Variants in PDK3 observed in about 807,000 individuals in gnomAD.
The protein encoded by PDK3 is pyruvate dehydrogenase kinase 3.
Under a neutral mutation model 32.0 loss-of-function variants are expected in PDK3, and 12 were observed. The ratio of observed to expected loss-of-function variants is 0.37; its 90% CI spans 0.24 to 0.61. The LOEUF (loss-of-function observed/expected upper bound fraction) is 0.61. Ranked by LOEUF, PDK3 falls within the 20% of genes least tolerant of loss-of-function variation. The probability of loss-of-function intolerance (pLI) is 0.65; values close to 1 mark genes in which losing one functional copy is unlikely to be tolerated. For synonymous variants in PDK3, 122 were observed against 116.3 expected (o/e 1.05, Z -0.31); for missense variants, 188 against 316.9 (o/e 0.59, Z 3.09).
In PDK3 at chrX:24,534,283, A is replaced by G. The variant is rs1922724034; in HGVS notation, c.*211A>G. ...ACTGAAAAATAAGTTAAAATGATCA[A>G]TCAAGATAAAAGGTGATCTATCCAT... is the stretch of plus-strand genomic sequence containing the variant. On this transcript the variant is annotated 3_prime_UTR_variant, in exon 11 of 11. Transcript: ENST00000379162. 3 of 909,234 alleles carry G rather than the reference A, an allele frequency of 3.3e-6. No homozygotes were observed. Among genetic ancestry groups the G allele is most frequent in the African/African-American group, 2.0e-5 (1 of 49,747 alleles). 74.9% of individuals were successfully genotyped at this position (909,234 alleles called of 1,213,427 possible). A position where few individuals can be genotyped will look rare whatever the true frequency, so the allele number is the denominator to read the frequency against.
chrX:24,527,746 C>A, intron 8 of PDK3, 71 bp downstream of exon 8: 1 of 614,053 alleles, frequency 1.6e-6, no homozygotes, highest in Middle Eastern at 3.4e-4. Context: ...ATTGAAAAAT[C>A]AGAGGGAAGG....
intron 1 of PDK3, among the ~76,000 whole-genome samples, chrX:24,474,694 G>A: frequency 9.0e-6 from 1 of 111,505 alleles, no homozygotes; most frequent in African/African-American, 3.3e-5. Context: ...GATTACAGAC[G>A]TGAGCCACTG....
intron 5 of PDK3, among the ~76,000 whole-genome samples, chrX:24,517,526 G>A (rs1045477823): frequency 4.5e-5 from 5 of 110,564 alleles, no homozygotes; most frequent in Non-Finnish European, 9.5e-5. Context: ...CCCGGCTCAA[G>A]GACTGTTTGT....
chrX:24,477,668 A>G (rs1921144939), intron 1 of PDK3, among the ~76,000 whole-genome samples: 1 of 111,542 alleles, frequency 9.0e-6, no homozygotes, highest in Non-Finnish European at 1.9e-5. Context: ...TTTGTCACCT[A>G]TAGCAGAGTT....
At chrX:24,465,687 G>C (rs1361395392) in intron 1 of PDK3, 126 bp downstream of exon 1, 1 of 519,051 alleles carries the variant, frequency 1.9e-6, no homozygotes, top group Non-Finnish European at 3.2e-6. Flanking sequence ...ATATCCGGGG[G>C]GCTCTCCTGG....
chrX:24,520,184 C>A (rs190536854), intron 6 of PDK3, among the ~76,000 whole-genome samples: 2 of 111,806 alleles, frequency 1.8e-5, no homozygotes, highest in Non-Finnish European at 3.8e-5. Context: ...TAGTTTGAAA[C>A]CCCATCTCAA....
chrX:24,547,651 A>G (rs1923024086), exon 12 of PDK3: 2 of 112,624 alleles, frequency 1.8e-5, no homozygotes, highest in Middle Eastern at 4.6e-3. Flanking sequence ...TGCATTCTTG[A>G]AAAGTTCTAC....
chrX:24,515,457 A>T (rs1922231793), intron 5 of PDK3, among the ~76,000 whole-genome samples: 1 of 112,248 alleles, frequency 8.9e-6, no homozygotes, highest in Non-Finnish European at 1.9e-5. Flanking sequence ...TAGCACATTT[A>T]GTGGGTTTAG....
At chrX:24,479,862 G>T (rs941308745) in intron 1 of PDK3, among the ~76,000 whole-genome samples, 2 of 111,678 alleles carry the variant, frequency 1.8e-5, no homozygotes, top group African/African-American at 3.3e-5. Flanking sequence ...CACTTACTGA[G>T]TACTTACCAA....
intron 1 of PDK3, among the ~76,000 whole-genome samples, chrX:24,489,025 A>G (rs1051258059): frequency 8.9e-6 from 1 of 112,430 alleles, no homozygotes; most frequent in South Asian, 3.6e-4. Context: ...AAAATACACA[A>G]TATACCAGAA....
intron 1 of PDK3, among the ~76,000 whole-genome samples, chrX:24,483,499 C>T (rs1199199501): frequency 8.9e-6 from 1 of 111,978 alleles, no homozygotes; most frequent in African/African-American, 3.2e-5. Context: ...TTGACTGTTA[C>T]TGCCACTGTA....
chrX:24,475,469 C>T (rs1012128583), intron 1 of PDK3, among the ~76,000 whole-genome samples: 1 of 110,651 alleles, frequency 9.0e-6, no homozygotes, highest in African/African-American at 3.3e-5. Flanking sequence ...CCAGCTCGGG[C>T]AACACAGTGA....
rs983738724 is a variant in PDK3 at position 24,520,653 on chromosome X, A to G, written c.673+1643A>G. 4.5e-5 allele frequency among the ~76,000 whole-genome samples: 5 copies of G among 112,132 alleles called. No homozygotes were observed. In the East Asian group the frequency reaches 8.3e-4, roughly 19 times the overall value. Reference sequence around the variant, plus strand: ...TGACTGAAAAGGGAAATCCCCCACAACTTTCTCAGTCCCATATAGAGCTTT... The same window carrying G: ...TGACTGAAAAGGGAAATCCCCCACAGCTTTCTCAGTCCCATATAGAGCTTT... On this transcript the variant is annotated intron_variant, in intron 6 of 10. Transcript: ENST00000379162.
chrX:24,496,238 A>G (rs1466117870), intron 2 of PDK3, among the ~76,000 whole-genome samples: 9 of 110,341 alleles, frequency 8.2e-5, no homozygotes, highest in Non-Finnish European at 1.5e-4. Context: ...CATTGTTAAC[A>G]TTTGGCAACG....
At chrX:24,489,633 C>T (rs747338714) in intron 1 of PDK3, among the ~76,000 whole-genome samples, 3 of 99,735 alleles carry the variant, frequency 3.0e-5, no homozygotes, top group African/African-American at 1.1e-4. Context: ...TGCAGTGAGC[C>T]GAGATCACAC....
chrX:24,500,518 C>A (rs1921829376), intron 3 of PDK3, among the ~76,000 whole-genome samples: 1 of 112,376 alleles, frequency 8.9e-6, no homozygotes, highest in South Asian at 3.7e-4. Context: ...GATTTATGGC[C>A]ACGAGCCTGC....
At chrX:24,519,765 A>C (rs1922349598) in intron 6 of PDK3, among the ~76,000 whole-genome samples, 1 of 112,420 alleles carries the variant, frequency 8.9e-6, no homozygotes, top group Non-Finnish European at 1.9e-5. Flanking sequence ...CAGCACATAC[A>C]TTTCTTGTAT....
intron 6 of PDK3, among the ~76,000 whole-genome samples, chrX:24,519,496 A>C (rs1922343565): frequency 9.4e-6 from 1 of 106,173 alleles, no homozygotes; most frequent in Admixed American, 1.0e-4. Context: ...CAGCCTCCTG[A>C]GTAGCTGGGA....
chrX:24,490,410 A>C (rs1216935079), intron 1 of PDK3, among the ~76,000 whole-genome samples: 1 of 93,721 alleles, frequency 1.1e-5, no homozygotes, highest in Non-Finnish European at 2.1e-5. Context: ...TGAATGCTCT[A>C]GTCAAGATTC....
Sources: gnomAD v4.1 joint callset for allele counts (sites outside exome capture counted in the v4.1 genomes callset) on GRCh38, gnomAD v4.1.1 for gene constraint, MANE v1.5 for transcripts, NCBI Gene and HGNC (gene_info 2026-07-23, HGNC 2026-07-21) for gene names.